TTC6: variants seen among roughly 807,000 people sequenced by gnomAD.
TTC6 encodes tetratricopeptide repeat protein 6.
Under a neutral mutation model 210.4 loss-of-function variants are expected in TTC6, and 172 were observed. That is an observed-to-expected ratio of 0.82 (90% CI 0.72 to 0.93). TTC6 has a LOEUF of 0.93. Ranked by LOEUF, TTC6 falls within the 40% of genes least tolerant of loss-of-function variation. TTC6 has a pLI of 0.00. For missense variants in TTC6, 2,414 were observed against 2,318.1 expected (o/e 1.04, Z -0.85); for synonymous variants, 804 against 819.6 (o/e 0.98, Z 0.32).
chr14:37,633,871 G>A (rs146801601), intron 1 of TTC6, among the ~76,000 whole-genome samples: 40 of 152,256 alleles, frequency 2.6e-4, no homozygotes, highest in Non-Finnish European at 5.4e-4. Context: ...GTAACAAGGA[G>A]GCCCCCATCC....
intron 3 of TTC6, among the ~76,000 whole-genome samples, chr14:37,687,199 T>A (rs1196205151): frequency 1.3e-5 from 2 of 151,976 alleles, no homozygotes; most frequent in East Asian, 3.9e-4. Flanking sequence ...AAGTGTGAAG[T>A]ATTGAACTCA....
chr14:37,797,075 G>A (rs2096094476), intron 20 of TTC6, 128 bp downstream of exon 22: 3 of 926,926 alleles, frequency 3.2e-6, no homozygotes, highest in Admixed American at 4.1e-5. Flanking sequence ...ATTAACATTT[G>A]GGTTATTTTC....
chr14:37,690,308 G>A (rs2095801246), intron 3 of TTC6, among the ~76,000 whole-genome samples: 1 of 151,672 alleles, frequency 6.6e-6, no homozygotes, highest in Non-Finnish European at 1.5e-5. Context: ...AGGAAAGGAA[G>A]AAGGAAGAGA....
At chr14:37,771,489 T>C (rs993158867) in intron 14 of TTC6, among the ~76,000 whole-genome samples, 1 of 152,106 alleles carries the variant, frequency 6.6e-6, no homozygotes. Flanking sequence ...ATTTCTTGGA[T>C]GTTTGCTCTT....
chr14:37,777,291 G>A lies in TTC6; in HGVS notation c.3267-10177G>A, dbSNP rs534204082. On this transcript the variant is annotated intron_variant, in intron 14 of 30. Transcript: ENST00000553443. ...CCCATATTTCTTGGAAGTTTTGTTT[G>A]TTCTTCTTTATTGTTTTTTCTTTAT... Among the ~76,000 whole-genome samples the A allele has an allele frequency of 2.6e-5, 4 of 152,162 alleles. No individual in the cohort carries two copies. The East Asian group carries it at 7.7e-4, about 29-fold the overall frequency.
At chr14:37,827,846 G>C (rs1216493446) in intron 29 of TTC6, 1 of 153,264 alleles carries the variant, frequency 6.5e-6, no homozygotes, top group Non-Finnish European at 1.5e-5. Flanking sequence ...TGCACAGGGG[G>C]CTTGCCAACC....
intron 29 of TTC6, among the ~76,000 whole-genome samples, chr14:37,835,621 A>G (rs1056909533): frequency 6.6e-6 from 1 of 152,152 alleles, no homozygotes; most frequent in African/African-American, 2.4e-5. Flanking sequence ...GGATGTAAGT[A>G]TTAGTCACCA....
chr14:37,676,246 A>G (rs574630777), intron 1 of TTC6, among the ~76,000 whole-genome samples: 124 of 152,244 alleles, frequency 8.1e-4, no homozygotes, highest in African/African-American at 2.7e-3. Context: ...CAGGACACTT[A>G]CAACTGGTAG....
At chr14:37,811,047 A>C (rs1391523083) in intron 24 of TTC6, among the ~76,000 whole-genome samples, 1 of 152,216 alleles carries the variant, frequency 6.6e-6, no homozygotes, top group African/African-American at 2.4e-5. Context: ...TAACAGAGGC[A>C]TGGCACAAAT....
intron 1 of TTC6, among the ~76,000 whole-genome samples, chr14:37,671,246 C>T (rs1566877764): frequency 6.6e-6 from 1 of 152,122 alleles, no homozygotes; most frequent in Non-Finnish European, 1.5e-5. Context: ...GTTGTTATCA[C>T]ATGGCAGATG....
chr14:37,636,762 A>G (rs1221809065), intron 1 of TTC6, among the ~76,000 whole-genome samples: 1 of 152,258 alleles, frequency 6.6e-6, no homozygotes, highest in Non-Finnish European at 1.5e-5. Context: ...TTACATTTAA[A>G]GCCATTTGAT....
At chr14:37,768,462 C>T (rs1368213953) in intron 14 of TTC6, among the ~76,000 whole-genome samples, 3 of 152,052 alleles carry the variant, frequency 2.0e-5, no homozygotes, top group Non-Finnish European at 4.4e-5. Context: ...TTGTTTGTAT[C>T]CTCTTTTATT....
chr14:37,738,864 T>G (rs1401158326), exon 10 of TTC6: 3 of 1,534,846 alleles, frequency 2.0e-6, no homozygotes, highest in East Asian at 2.4e-5. Context: ...ATAAAAGAGG[T>G]TATGTTTCAG....
At chr14:37,735,698 C>T (rs1460045781) in intron 7 of TTC6, among the ~76,000 whole-genome samples, 2 of 152,138 alleles carry the variant, frequency 1.3e-5, no homozygotes, top group Non-Finnish European at 2.9e-5. Context: ...AACCATTTTG[C>T]TAAATGCCAA....
chr14:37,682,649 A>G (rs907437790), intron 2 of TTC6, 109 bp from the exon 5 acceptor site: 6 of 901,674 alleles, frequency 6.7e-6, no homozygotes, highest in Middle Eastern at 3.3e-4. Context: ...CTTAGTTTCA[A>G]GCATGCGTTT....
intron 2 of TTC6, among the ~76,000 whole-genome samples, chr14:37,612,006 A>T (rs1035011665): frequency 1.3e-5 from 2 of 151,884 alleles, no homozygotes; most frequent in African/African-American, 4.8e-5. Context: ...TTTTTTTAAC[A>T]TGCAAATCTA....
At chr14:37,714,624 A>T (rs754622942) in intron 5 of TTC6, 31 bp from the exon 8 acceptor site, 16 of 1,522,084 alleles carry the variant, frequency 1.1e-5, no homozygotes, top group Non-Finnish European at 2.6e-6. Flanking sequence ...ATTACTTAAA[A>T]AGCAAACTTA....
chr14:37,724,833 A>G, intron 6 of TTC6, 65 bp from the exon 9 acceptor site: 2 of 907,368 alleles, frequency 2.2e-6, no homozygotes, highest in Admixed American at 6.3e-5. Flanking sequence ...TTGACAGGAG[A>G]TTGAGTTTTT....
intron 11 of TTC6, 90 bp downstream of exon 13, chr14:37,749,491 A>G: frequency 1.5e-6 from 2 of 1,299,124 alleles, no homozygotes; most frequent in Non-Finnish European, 2.0e-6. Context: ...TGAACAATGA[A>G]TGTTTATAGT....
Sources: allele counts gnomAD v4.1 joint callset (sites outside exome capture counted in the v4.1 genomes callset), GRCh38; gene constraint gnomAD v4.1.1; transcripts MANE v1.5; gene names NCBI Gene and HGNC (gene_info 2026-07-23, HGNC 2026-07-21).